The following FAM204A variants were observed in gnomAD, a reference collection of about 807,000 sequenced individuals.
FAM204A encodes the protein family with sequence similarity 204 member A.
In FAM204A, 16 loss-of-function variants were observed where a neutral mutation model predicts 35.4. The ratio of observed to expected loss-of-function variants is 0.45; its 90% CI spans 0.31 to 0.69. The LOEUF (loss-of-function observed/expected upper bound fraction) is 0.69, where lower values mean the gene tolerates loss of function less well. Ranked by LOEUF, FAM204A falls within the 30% of genes least tolerant of loss-of-function variation. The pLI is 0.07. For missense variants in FAM204A, 240 were observed against 265.7 expected, an observed-to-expected ratio of 0.90 and a Z score of 0.67; for synonymous variants, 76 against 86.9, an observed-to-expected ratio of 0.88 and a Z score of 0.70.
chr10:118,328,718 C>T (rs1846238225), intron 6 of FAM204A, among the ~76,000 whole-genome samples: 1 of 152,068 alleles, frequency 6.6e-6, no homozygotes, highest in Non-Finnish European at 1.5e-5. Context: ...GTCTCAATCT[C>T]CTGACCTCGT....
intron 7 of FAM204A, among the ~76,000 whole-genome samples, chr10:118,313,224 T>C (rs1017814881): frequency 1.3e-5 from 2 of 152,076 alleles, no homozygotes; most frequent in Admixed American, 6.5e-5. Context: ...CCAACAAATA[T>C]CCAAATCTCA....
chr10:118,338,619 G>C (rs1462991312), intron 2 of FAM204A, among the ~76,000 whole-genome samples: 2 of 152,216 alleles, frequency 1.3e-5, no homozygotes, highest in Admixed American at 6.5e-5. Context: ...AAAATCCCTA[G>C]CCTCACGAAA....
rs1846355855 is a variant in FAM204A, at chr10:118,334,988, C to A, written c.453+126G>T. On this transcript the variant is annotated intron_variant, in intron 6 of 8. Transcript: ENST00000369183. ...TGTAACTATATATTTACTTATCTAG[C>A]ACCCTTTTTGGTATGCAGTAGGCAT... 3 of 629,418 alleles carry A rather than the reference C, an allele frequency of 4.8e-6. No homozygotes were observed. The South Asian group carries it at 6.6e-5, about 14-fold the overall frequency. The allele number at this position is 629,418 out of a possible 1,614,324, so 39.0% of individuals were successfully genotyped here.
intron 7 of FAM204A, 177 bp from the exon 8 acceptor site, chr10:118,311,490 C>A: frequency 1.8e-6 from 1 of 559,034 alleles, no homozygotes; most frequent in Non-Finnish European, 3.1e-6. Context: ...CCATATCTCC[C>A]GTGACTCCCA....
At chr10:118,334,550 CT>C (rs1266504435) in intron 6 of FAM204A, among the ~76,000 whole-genome samples, 1 of 152,192 alleles carries the variant, frequency 6.6e-6, no homozygotes, top group Non-Finnish European at 1.5e-5. Flanking sequence ...TCATACGAAT[CT>C]TTTTAACATA....
chr10:118,320,731 C>T (rs1017831635), intron 7 of FAM204A, among the ~76,000 whole-genome samples: 3 of 151,962 alleles, frequency 2.0e-5, no homozygotes, highest in Admixed American at 6.6e-5. Flanking sequence ...ATAATCTAGG[C>T]TTCAAACATG....
intron 7 of FAM204A, among the ~76,000 whole-genome samples, chr10:118,324,061 AAC>A (rs1846160325): frequency 6.6e-6 from 1 of 152,144 alleles, no homozygotes; most frequent in African/African-American, 2.4e-5. Context: ...GGCACCATTC[AAC>A]ACACTTTCAA....
chr10:118,334,645 G>A (rs1846350288), intron 6 of FAM204A, among the ~76,000 whole-genome samples: 1 of 152,112 alleles, frequency 6.6e-6, no homozygotes, highest in African/African-American at 2.4e-5. Context: ...TAAGCCTTTT[G>A]AGGTCCTACA....
intron 7 of FAM204A, among the ~76,000 whole-genome samples, chr10:118,314,160 C>T (rs576276434): frequency 6.6e-6 from 1 of 152,312 alleles, no homozygotes; most frequent in African/African-American, 2.4e-5. Flanking sequence ...GAGAGGGCTC[C>T]ATCATTTTGT....
intron 6 of FAM204A, among the ~76,000 whole-genome samples, chr10:118,330,404 GATCATA>G (rs972307624): frequency 5.9e-5 from 9 of 152,096 alleles, no homozygotes; most frequent in Admixed American, 1.3e-4. Context: ...CAGCCATTAA[GATCATA>G]ATCTAAAGGT....
chr10:118,310,678 A>C lies in FAM204A; in HGVS notation c.*179T>G. On this transcript the variant is annotated 3_prime_UTR_variant, in exon 9 of 9. Transcript: ENST00000369183. Reference sequence around the variant, plus strand: ...AATAACAGAATGCTTCATTTTATTCACTTCAATAGGACAAAGTCCTTAAAG... The same window carrying C: ...AATAACAGAATGCTTCATTTTATTCCCTTCAATAGGACAAAGTCCTTAAAG... The C allele has an allele frequency of 1.8e-6, 1 of 569,468 alleles. No individual in the cohort carries two copies. The highest frequency in any genetic ancestry group is 3.0e-6 in the Non-Finnish European group (1 of 331,586). 35.3% of individuals were successfully genotyped at this position (569,468 alleles called of 1,614,324 possible).
intron 2 of FAM204A, among the ~76,000 whole-genome samples, chr10:118,339,951 C>T (rs1311506574): frequency 6.6e-6 from 1 of 152,142 alleles, no homozygotes; most frequent in Non-Finnish European, 1.5e-5. Flanking sequence ...AACCACCCAT[C>T]GTTATTATTT....
chr10:118,321,116 T>C (rs1846109798), intron 7 of FAM204A, among the ~76,000 whole-genome samples: 1 of 151,640 alleles, frequency 6.6e-6, no homozygotes, highest in East Asian at 1.9e-4. Context: ...CAGGTCCCAG[T>C]CACTGCTGCT....
In FAM204A at chr10:118,310,768, C is replaced by T. The variant is rs1845940091; in HGVS notation, c.*89G>A. The T allele has an allele frequency of 2.7e-6, 3 of 1,116,784 alleles. No individual in the cohort carries two copies. The highest frequency in any genetic ancestry group is 2.6e-6 in the Non-Finnish European group (2 of 762,668). 69.2% of individuals were successfully genotyped at this position (1,116,784 alleles called of 1,614,324 possible). A position where few individuals can be genotyped will look rare whatever the true frequency, so the allele number is the denominator to read the frequency against. Reference sequence around the variant, plus strand: ...ATGCTTATTTTTGTTTTAGTGCTATCAATTTTCTGACATATTAACATAGGC... The same window carrying T: ...ATGCTTATTTTTGTTTTAGTGCTATTAATTTTCTGACATATTAACATAGGC... On this transcript the variant is annotated 3_prime_UTR_variant, in exon 9 of 9. Coordinates refer to ENST00000369183, the MANE Select transcript of FAM204A (RefSeq NM_022063.3).
chr10:118,322,722 T>A (rs931687054), intron 7 of FAM204A, among the ~76,000 whole-genome samples: 1 of 152,144 alleles, frequency 6.6e-6, no homozygotes, highest in African/African-American at 2.4e-5. Flanking sequence ...ATTTCTGGTA[T>A]CTGAGGGAAA....
intron 6 of FAM204A, among the ~76,000 whole-genome samples, chr10:118,334,733 G>A (rs1846352014): frequency 6.6e-6 from 1 of 152,120 alleles, no homozygotes; most frequent in Non-Finnish European, 1.5e-5. Context: ...TTCCAGCCAG[G>A]CTGGCCTTCC....
intron 6 of FAM204A, among the ~76,000 whole-genome samples, chr10:118,333,068 T>TA (rs1846317534): frequency 6.6e-6 from 1 of 152,108 alleles, no homozygotes; most frequent in African/African-American, 2.4e-5. Flanking sequence ...AGATTATGTT[T>TA]AAAAAATACA....
chr10:118,337,438 G>C (rs1564764979), intron 2 of FAM204A, among the ~76,000 whole-genome samples: 1 of 152,140 alleles, frequency 6.6e-6, no homozygotes, highest in African/African-American at 2.4e-5. Flanking sequence ...ACAAACAAAA[G>C]AAACCACCAT....
intron 6 of FAM204A, among the ~76,000 whole-genome samples, chr10:118,326,701 T>A (rs1211124460): frequency 6.6e-6 from 1 of 152,194 alleles, no homozygotes; most frequent in Non-Finnish European, 1.5e-5. Context: ...AGCCAGCGTC[T>A]GTAAGTAGTA....
Sources: gnomAD v4.1 joint callset for allele counts (sites outside exome capture counted in the v4.1 genomes callset) on GRCh38, gnomAD v4.1.1 for gene constraint, MANE v1.5 for transcripts, NCBI Gene and HGNC (gene_info 2026-07-23, HGNC 2026-07-21) for gene names.